The following LRRIQ3 variants were observed in gnomAD, a reference collection of about 807,000 sequenced individuals.
LRRIQ3 encodes the protein leucine rich repeats and IQ motif containing 3.
In LRRIQ3, 75 loss-of-function variants were observed where a neutral mutation model predicts 59.3. That is an observed-to-expected ratio of 1.26 (90% CI 1.05 to 1.53). The LOEUF (loss-of-function observed/expected upper bound fraction) is 1.53, where lower values mean the gene tolerates loss of function less well. Ranked by LOEUF, LRRIQ3 falls within the 40% of genes most tolerant of loss-of-function variation. The pLI, the probability that LRRIQ3 is intolerant of heterozygous loss-of-function variation, is 0.00. For synonymous variants in LRRIQ3, 250 were observed against 231.3 expected, an observed-to-expected ratio of 1.08 and a Z score of -0.73; for missense variants, 831 against 710.0, an observed-to-expected ratio of 1.17 and a Z score of -1.94.
intron 6 of LRRIQ3, among the ~76,000 whole-genome samples, chr1:74,056,542 C>CA (rs1343197703): frequency 6.6e-6 from 1 of 151,928 alleles, no homozygotes; most frequent in Non-Finnish European, 1.5e-5. Context: ...AATCAACATA[C>CA]AAAAATCAGT....
chr1:74,119,720 C>G (rs906786784), intron 4 of LRRIQ3, among the ~76,000 whole-genome samples: 1 of 152,080 alleles, frequency 6.6e-6, no homozygotes, highest in East Asian at 1.9e-4. Context: ...ATACTCCTAT[C>G]CTACTTTGAG....
At chr1:74,106,097 AC>A (rs1433260286) in intron 5 of LRRIQ3, among the ~76,000 whole-genome samples, 1 of 151,998 alleles carries the variant, frequency 6.6e-6, no homozygotes, top group Non-Finnish European at 1.5e-5. Flanking sequence ...GAAGATTAAG[AC>A]AGAGGGTGTG....
At chr1:74,162,562 G>A (rs1648722351) in intron 3 of LRRIQ3, among the ~76,000 whole-genome samples, 1 of 151,754 alleles carries the variant, frequency 6.6e-6, no homozygotes, top group African/African-American at 2.4e-5. Flanking sequence ...ATGGATGACA[G>A]TGTTTTGCAT....
At chr1:74,108,822 G>A in intron 5 of LRRIQ3, 1 of 326,816 alleles carries the variant, frequency 3.1e-6, no homozygotes, top group Non-Finnish European at 6.0e-6. Context: ...GTAGCTTTTG[G>A]TAAGTTAATT....
intron 4 of LRRIQ3, among the ~76,000 whole-genome samples, chr1:74,123,655 T>G (rs994581739): frequency 1.3e-5 from 2 of 152,098 alleles, no homozygotes; most frequent in African/African-American, 4.8e-5. Flanking sequence ...TGTGGCTGAA[T>G]AGTATTTCAT....
chr1:74,095,595 T>A (rs933661476), intron 5 of LRRIQ3, among the ~76,000 whole-genome samples: 2 of 152,158 alleles, frequency 1.3e-5, no homozygotes, highest in Non-Finnish European at 2.9e-5. Context: ...CAACTTACAT[T>A]AAGCACAGGA....
chr1:74,037,453 C>T (rs553754887), intron 7 of LRRIQ3, among the ~76,000 whole-genome samples: 18 of 151,832 alleles, frequency 1.2e-4, no homozygotes, highest in African/African-American at 3.6e-4. Flanking sequence ...GTCTGGCCAA[C>T]GTGGTGAAAC....
intron 6 of LRRIQ3, among the ~76,000 whole-genome samples, chr1:74,059,836 T>G (rs1654650009): frequency 6.6e-6 from 1 of 152,098 alleles, no homozygotes. Context: ...AATGAGTGTC[T>G]TTCCATTTAT....
At chr1:74,091,534 G>GA (rs1646394518) in intron 5 of LRRIQ3, among the ~76,000 whole-genome samples, 1 of 151,812 alleles carries the variant, frequency 6.6e-6, no homozygotes, top group Non-Finnish European at 1.5e-5. Context: ...TAGCTAACAA[G>GA]AAAATTAGTG....
intron 6 of LRRIQ3, among the ~76,000 whole-genome samples, chr1:74,043,073 A>G (rs556012135): frequency 6.6e-6 from 1 of 152,196 alleles, no homozygotes; most frequent in East Asian, 1.9e-4. Flanking sequence ...TCTATTTGTT[A>G]CTATACCCAA....
chr1:74,169,562 T>C (rs558614718), intron 3 of LRRIQ3, among the ~76,000 whole-genome samples: 3 of 152,278 alleles, frequency 2.0e-5, no homozygotes, highest in Middle Eastern at 3.4e-3. Flanking sequence ...CCAACACTTT[T>C]TTTTAAGAGA....
intron 1 of LRRIQ3, among the ~76,000 whole-genome samples, chr1:74,192,160 G>T (rs180856887): frequency 1.0e-3 from 155 of 152,130 alleles, no homozygotes; most frequent in Admixed American, 5.1e-3. Context: ...ACTCACTGTG[G>T]TTACTTTTAC....
intron 4 of LRRIQ3, among the ~76,000 whole-genome samples, chr1:74,145,282 C>CAATCCAAATGCACAA (rs1647499295): frequency 6.6e-6 from 1 of 152,112 alleles, no homozygotes; most frequent in African/African-American, 2.4e-5. Flanking sequence ...TTCATGACAG[C>CAATCCAAATGCACAA]TGCAACAGAA....
intron 1 of LRRIQ3, among the ~76,000 whole-genome samples, chr1:74,196,107 G>A (rs1215713544): frequency 6.6e-6 from 1 of 151,748 alleles, no homozygotes; most frequent in African/African-American, 2.4e-5. Flanking sequence ...AATTTTGATT[G>A]CATGATATAG....
intron 5 of LRRIQ3, chr1:74,095,055 C>T (rs1176730219): frequency 6.6e-6 from 1 of 152,098 alleles, no homozygotes; most frequent in Non-Finnish European, 1.5e-5. Flanking sequence ...TGTTGCATGG[C>T]AGCTTCTAGG....
At chr1:74,186,929 A>C (rs1344828389) in intron 1 of LRRIQ3, among the ~76,000 whole-genome samples, 1 of 152,082 alleles carries the variant, frequency 6.6e-6, no homozygotes, top group African/African-American at 2.4e-5. Context: ...TTTTAGCTTT[A>C]ATCAATGACT....
chr1:74,170,204 T>C (rs890560955), intron 3 of LRRIQ3, among the ~76,000 whole-genome samples: 1 of 152,198 alleles, frequency 6.6e-6, no homozygotes, highest in African/African-American at 2.4e-5. Context: ...GGACTGTTTT[T>C]GCTTTTGTTG....
At position 74,182,871 on chromosome 1, in the gene LRRIQ3, T is replaced by C; in HGVS notation, c.250-10A>G. ...TTGGTAGACTCTTTATCTGAAATAT[T>C]ATTAAAAATCTTTTAAATTCCAAAA... is the stretch of plus-strand genomic sequence containing the variant. On this transcript the variant is annotated splice_polypyrimidine_tract_variant and intron_variant, in intron 2 of 7. Transcript: ENST00000354431. 7.3e-7 allele frequency: 1 copy of C among 1,373,466 alleles called. No individual in the cohort carries two copies. The allele number at this position is 1,373,466 out of a possible 1,614,324, so 85.1% of individuals were successfully genotyped here.
intron 6 of LRRIQ3, among the ~76,000 whole-genome samples, chr1:74,061,660 C>T (rs936240618): frequency 6.6e-6 from 1 of 152,062 alleles, no homozygotes; most frequent in Non-Finnish European, 1.5e-5. Flanking sequence ...TGAAGGTAAC[C>T]TAGGAAATAC....
Sources: gnomAD v4.1 joint callset for allele counts (sites outside exome capture counted in the v4.1 genomes callset) on GRCh38, gnomAD v4.1.1 for gene constraint, MANE v1.5 for transcripts, NCBI Gene and HGNC (gene_info 2026-07-23, HGNC 2026-07-21) for gene names.